The following INSYN2B variants were observed in gnomAD, a reference collection of about 807,000 sequenced individuals.
INSYN2B encodes protein INSYN2B.
Under a neutral mutation model 41.2 loss-of-function variants are expected in INSYN2B, and 16 were observed. The ratio of observed to expected loss-of-function variants is 0.39; its 90% CI spans 0.26 to 0.59. INSYN2B has a LOEUF of 0.59. INSYN2B is among the 20% of genes least tolerant of loss of function. The pLI is 0.57. For missense variants in INSYN2B, 608 were observed against 646.4 expected (o/e 0.94, Z 0.64); for synonymous variants, 245 against 244.4 (o/e 1.00, Z -0.02).
chr5:169,910,424 C>G (rs747469719), intron 1 of INSYN2B, among the ~76,000 whole-genome samples: 33 of 152,150 alleles, frequency 2.2e-4, no homozygotes, highest in Non-Finnish European at 3.8e-4. Flanking sequence ...TGATTTATTG[C>G]TTACTCTCTT....
intron 1 of INSYN2B, among the ~76,000 whole-genome samples, chr5:169,921,843 T>C (rs2113653265): frequency 6.6e-6 from 1 of 152,346 alleles, no homozygotes; most frequent in Middle Eastern, 3.4e-3. Context: ...AATTGAATAG[T>C]GCACAAATAC....
chr5:169,965,631 G>T (rs984234225), intron 1 of INSYN2B, among the ~76,000 whole-genome samples: 2 of 152,084 alleles, frequency 1.3e-5, no homozygotes, highest in African/African-American at 4.8e-5. Flanking sequence ...TAATTCTAAT[G>T]TGCAGCAGAG....
chr5:169,967,351 T>G (rs2113757394), intron 1 of INSYN2B, among the ~76,000 whole-genome samples: 1 of 152,286 alleles, frequency 6.6e-6, no homozygotes, highest in Admixed American at 6.5e-5. Context: ...TAGATACATG[T>G]GTTGGCTCAG....
At chr5:169,867,681 A>G (rs1278189291) in intron 3 of INSYN2B, among the ~76,000 whole-genome samples, 10 of 151,822 alleles carry the variant, frequency 6.6e-5, no homozygotes, top group Non-Finnish European at 1.5e-4. Flanking sequence ...CTATCTATTG[A>G]TCCCCCCACA....
chr5:169,921,289 A>G (rs910475889), intron 1 of INSYN2B, among the ~76,000 whole-genome samples: 1 of 152,230 alleles, frequency 6.6e-6, no homozygotes, highest in Non-Finnish European at 1.5e-5. Flanking sequence ...CTAATATTAT[A>G]TAGGAAATCT....
rs375525013 is a variant in INSYN2B at position 169,931,138 on chromosome 5, T to C, written c.-918-46322A>G. 3.0e-4 allele frequency among the ~76,000 whole-genome samples: 46 copies of C among 152,294 alleles called. 1 individual carries two copies. Among genetic ancestry groups the C allele is most frequent in the South Asian group, 2.1e-3 (10 of 4,826 alleles). On this transcript the variant is annotated intron_variant, in intron 1 of 3. Transcript: ENST00000377365. Reference sequence around the variant, plus strand: ...ATGATGCTACTAACACCCTTGATCTTAGGATTAAGCATTGTCTGGGATATT... The same window carrying C: ...ATGATGCTACTAACACCCTTGATCTCAGGATTAAGCATTGTCTGGGATATT...
At chr5:169,953,705 T>A (rs760237987) in intron 1 of INSYN2B, among the ~76,000 whole-genome samples, 3 of 152,150 alleles carry the variant, frequency 2.0e-5, no homozygotes, top group Non-Finnish European at 2.9e-5. Context: ...CAGCATAAAG[T>A]GAACTCCTCA....
chr5:169,902,597 C>T (rs1431437169), intron 1 of INSYN2B, among the ~76,000 whole-genome samples: 9 of 152,212 alleles, frequency 5.9e-5, no homozygotes, highest in South Asian at 2.1e-4. Flanking sequence ...GACTGCACCC[C>T]GCTGAGGCTC....
chr5:169,908,726 T>G (rs925695445), intron 1 of INSYN2B, among the ~76,000 whole-genome samples: 3 of 147,496 alleles, frequency 2.0e-5, no homozygotes, highest in African/African-American at 5.0e-5. Context: ...TTTTTTTTTT[T>G]TTTTTTGAGA....
At chr5:169,955,392 A>G (rs1326660386) in intron 1 of INSYN2B, among the ~76,000 whole-genome samples, 1 of 151,544 alleles carries the variant, frequency 6.6e-6, no homozygotes, top group Non-Finnish European at 1.5e-5. Context: ...AAAGGAAGGG[A>G]GAGAGAGAGA....
chr5:169,926,975 T>A (rs1216328100), intron 1 of INSYN2B, among the ~76,000 whole-genome samples: 1 of 152,122 alleles, frequency 6.6e-6, no homozygotes, highest in Non-Finnish European at 1.5e-5. Context: ...CTACTTTAGG[T>A]GGGATGGCCA....
At chr5:169,881,681 G>A (rs903872381) in intron 2 of INSYN2B, among the ~76,000 whole-genome samples, 4 of 152,192 alleles carry the variant, frequency 2.6e-5, no homozygotes, top group Admixed American at 2.6e-4. Context: ...CAACAATCCT[G>A]TTGTGAGATG....
chr5:169,887,075 G>C (rs1773014916), intron 1 of INSYN2B, among the ~76,000 whole-genome samples: 3 of 152,132 alleles, frequency 2.0e-5, no homozygotes. Flanking sequence ...CTGTCATTTG[G>C]ACCCACAGAC....
At chr5:169,924,633 C>T (rs530456208) in intron 1 of INSYN2B, among the ~76,000 whole-genome samples, 2 of 152,296 alleles carry the variant, frequency 1.3e-5, no homozygotes, top group East Asian at 3.9e-4. Flanking sequence ...ACTAAGACTT[C>T]CTATTAGCAA....
At chr5:169,956,304 G>A (rs560887144) in intron 1 of INSYN2B, among the ~76,000 whole-genome samples, 18 of 152,310 alleles carry the variant, frequency 1.2e-4, no homozygotes, top group Non-Finnish European at 2.4e-4. Flanking sequence ...CCTGGGAGCG[G>A]CTAGAAAAAA....
intron 1 of INSYN2B, among the ~76,000 whole-genome samples, chr5:169,901,546 G>T (rs149616049): frequency 6.6e-6 from 1 of 152,168 alleles, no homozygotes; most frequent in Non-Finnish European, 1.5e-5. Flanking sequence ...AAAAGTGGAA[G>T]CAGGATGAAC....
At chr5:169,903,143 G>T in intron 1 of INSYN2B, among the ~76,000 whole-genome samples, 1 of 151,704 alleles carries the variant, frequency 6.6e-6, no homozygotes, top group Non-Finnish European at 1.5e-5. Context: ...AGGTGGTCAT[G>T]GTGCATATCT....
At chr5:169,918,636 GGTGCA>G (rs1336403388) in intron 1 of INSYN2B, among the ~76,000 whole-genome samples, 5 of 152,198 alleles carry the variant, frequency 3.3e-5, no homozygotes, top group African/African-American at 1.2e-4. Flanking sequence ...AACTAGACCA[GGTGCA>G]GTGGCTCATG....
At chr5:169,903,079 A>G (rs1774031689) in intron 1 of INSYN2B, among the ~76,000 whole-genome samples, 1 of 151,920 alleles carries the variant, frequency 6.6e-6, no homozygotes, top group South Asian at 2.1e-4. Flanking sequence ...GCCTGGCGAC[A>G]GAGCAAGACT....
Sources: gnomAD v4.1 joint callset for allele counts (sites outside exome capture counted in the v4.1 genomes callset) on GRCh38, gnomAD v4.1.1 for gene constraint, MANE v1.5 for transcripts, NCBI Gene and HGNC (gene_info 2026-07-23, HGNC 2026-07-21) for gene names.